GLIPR1L1: variants seen among roughly 807,000 people sequenced by gnomAD.
GLIPR1L1 encodes the protein GLIPR1-like protein 1.
Under a neutral mutation model 29.9 loss-of-function variants are expected in GLIPR1L1, and 26 were observed. That is an observed-to-expected ratio of 0.87 (90% CI 0.64 to 1.21). The LOEUF is 1.21. Among genes scored for constraint, GLIPR1L1 ranks in the 50% most tolerant of loss-of-function variants. The pLI is 0.00. For synonymous variants in GLIPR1L1, 77 were observed against 97.5 expected (o/e 0.79, Z 1.24); for missense variants, 305 against 290.3 (o/e 1.05, Z -0.37).
At chr12:75,361,690 G>A (rs2043604755) in intron 3 of GLIPR1L1, among the ~76,000 whole-genome samples, 1 of 152,206 alleles carries the variant, frequency 6.6e-6, no homozygotes, top group East Asian at 1.9e-4. Flanking sequence ...AGAGATAAGA[G>A]AGAAGGAGGA....
chr12:75,342,296 T>TAAA (rs2042173257), intron 1 of GLIPR1L1, among the ~76,000 whole-genome samples: 1 of 152,348 alleles, frequency 6.6e-6, no homozygotes, highest in South Asian at 2.1e-4. Context: ...TTGAAATCTT[T>TAAA]AAAAGGTCTG....
chr12:75,347,494 T>C, intron 2 of GLIPR1L1, 128 bp from the exon 3 acceptor site: 2 of 431,618 alleles, frequency 4.6e-6, no homozygotes. Context: ...TTAGAAAAAA[T>C]ATGTAACTAA....
At chr12:75,369,789 C>T in intron 4 of GLIPR1L1, 171 bp from the exon 5 acceptor site, 1 of 982,570 alleles carries the variant, frequency 1.0e-6, no homozygotes. Flanking sequence ...TAGGAAGCAT[C>T]GTAAAGAGTT....
intron 1 of GLIPR1L1, among the ~76,000 whole-genome samples, chr12:75,342,615 G>A (rs1376493204): frequency 6.6e-6 from 1 of 151,964 alleles, no homozygotes; most frequent in Non-Finnish European, 1.5e-5. Context: ...ATTGATATCT[G>A]GTAGAGAAAG....
chr12:75,347,028 A>C (rs1018154529), intron 2 of GLIPR1L1, among the ~76,000 whole-genome samples: 1 of 151,668 alleles, frequency 6.6e-6, no homozygotes, highest in African/African-American at 2.4e-5. Flanking sequence ...CTAGTTTTCC[A>C]TAGAAGTCTT....
At chr12:75,348,302 T>C (rs2042585173) in intron 3 of GLIPR1L1, among the ~76,000 whole-genome samples, 1 of 151,972 alleles carries the variant, frequency 6.6e-6, no homozygotes, top group Non-Finnish European at 1.5e-5. Flanking sequence ...AAATAAGCAG[T>C]AGAAAAGATA....
intron 4 of GLIPR1L1, among the ~76,000 whole-genome samples, chr12:75,367,618 A>G (rs1307911547): frequency 6.6e-6 from 1 of 152,030 alleles, no homozygotes; most frequent in African/African-American, 2.4e-5. Context: ...AATTGATTTT[A>G]TTGCCTTAAA....
chr12:75,369,965 C>G lies in GLIPR1L1; in HGVS notation c.616C>G (p.Pro206Ala). 1.8e-6 allele frequency: 2 copies of G among 1,095,022 alleles called. No individual in the cohort carries two copies. The highest frequency in any genetic ancestry group is 2.6e-6 in the Non-Finnish European group (2 of 770,110). The allele number at this position is 1,095,022 out of a possible 1,614,324, so 67.8% of individuals were successfully genotyped here. The change falls in exon 5 of 6, where the codon CCA becomes GCA. Residue 206 changes from proline (P) to alanine (A), a missense_variant. Physicochemically the swap from Pro to Ala is conservative, Grantham distance 27. Transcript: ENST00000378695. ...EKCVKNLCRTPQLIIPNQNPF... is the reference protein window; with the variant it reads ...EKCVKNLCRTAQLIIPNQNPF... The stretch of plus-strand genomic sequence containing the variant: ...AACTTTAATTTTTACTTTAGGGACT[C>G]CACAACTTATTATACCTAACCGTAT...
intron 3 of GLIPR1L1, among the ~76,000 whole-genome samples, chr12:75,358,465 T>C (rs1284533733): frequency 6.6e-6 from 1 of 151,420 alleles, no homozygotes; most frequent in East Asian, 1.9e-4. Flanking sequence ...AAGAATTATA[T>C]GATTATCTCA....
rs376888166 is a variant in GLIPR1L1 at position 75,338,192 on chromosome 12, C to A, written c.174+3290C>A. Among the ~76,000 whole-genome samples the A allele has an allele frequency of 2.6e-5, 4 of 152,040 alleles. No homozygotes were observed. The South Asian group carries it at 8.3e-4, about 31-fold the overall frequency. On this transcript the variant is annotated intron_variant, in intron 1 of 5. Transcript: ENST00000378695. Reference sequence around the variant, plus strand: ...ATAGCTCAATATAGATGCAAAAAATCTTCAACAAAATTATAATCAATTGAA... The same window carrying A: ...ATAGCTCAATATAGATGCAAAAAATATTCAACAAAATTATAATCAATTGAA...
In GLIPR1L1 at chr12:75,343,862, C is replaced by T. The variant is rs180934864; in HGVS notation, c.344C>T (p.Thr115Met). 8.2e-5 allele frequency: 132 copies of T among 1,611,536 alleles called. No individual in the cohort carries two copies. Among genetic ancestry groups the T allele is most frequent in the Non-Finnish European group, 9.9e-5 (117 of 1,177,896 alleles). ...IKSFTPRHAI[T>M]AWYNETQFYD... Reference sequence around the variant, plus strand: ...TCATTCACACCAAGACATGCCATTACGGCTTGGTATAATGAAACCCAATTT... The same window carrying T: ...TCATTCACACCAAGACATGCCATTATGGCTTGGTATAATGAAACCCAATTT... The change falls in exon 2 of 6, where the codon ACG (threonine) becomes ATG (methionine). Residue 115 changes from threonine to methionine, a missense_variant. By Grantham distance (81) the Thr-to-Met change is moderately conservative. Transcript: ENST00000378695.
rs186880042 is a variant in GLIPR1L1 at position 75,337,401 on chromosome 12, A to G, written c.174+2499A>G. Among the ~76,000 whole-genome samples the G allele has an allele frequency of 3.8e-3, 575 of 152,038 alleles. 3 individuals carry two copies. Among genetic ancestry groups the G allele is most frequent in the Non-Finnish European group, 4.2e-3 (287 of 67,772 alleles). On this transcript the variant is annotated intron_variant, in intron 1 of 5. Coordinates refer to ENST00000378695, the MANE Select transcript of GLIPR1L1 (RefSeq NM_001304964.2). ...CACAACTCAAAAATCAATTTTAGGA[A>G]TGGAAAATCACTTTTAAAAAACTCC...
intron 3 of GLIPR1L1, among the ~76,000 whole-genome samples, chr12:75,355,135 CAATT>C (rs1442463066): frequency 3.3e-5 from 5 of 151,998 alleles, no homozygotes; most frequent in African/African-American, 1.2e-4. Context: ...TAAATGGGAT[CAATT>C]AAACTAAAGA....
At chr12:75,365,286 C>A (rs1432418027) in intron 4 of GLIPR1L1, 4 of 151,882 alleles carry the variant, frequency 2.6e-5, no homozygotes, top group Non-Finnish European at 5.9e-5. Flanking sequence ...AAACCATGAG[C>A]AATAAATCAC....
chr12:75,346,392 ACT>A (rs1215880383), intron 2 of GLIPR1L1, among the ~76,000 whole-genome samples: 1 of 151,438 alleles, frequency 6.6e-6, no homozygotes, highest in Non-Finnish European at 1.5e-5. Context: ...TGAAAGCAAA[ACT>A]CTTTTTTTTT....
At chr12:75,368,749 T>G (rs2044161837) in intron 4 of GLIPR1L1, among the ~76,000 whole-genome samples, 1 of 152,022 alleles carries the variant, frequency 6.6e-6, no homozygotes, top group Admixed American at 6.6e-5. Flanking sequence ...AGTATTTTGG[T>G]TACAGTGTGT....
At chr12:75,338,528 C>T (rs1459575817) in intron 1 of GLIPR1L1, among the ~76,000 whole-genome samples, 1 of 151,490 alleles carries the variant, frequency 6.6e-6, no homozygotes, top group Non-Finnish European at 1.5e-5. Flanking sequence ...CCATTTTTTC[C>T]TGTAGGTTTT....
chr12:75,352,009 C>T (rs2042848265), intron 3 of GLIPR1L1, among the ~76,000 whole-genome samples: 1 of 152,006 alleles, frequency 6.6e-6, no homozygotes, highest in African/African-American at 2.4e-5. Context: ...GAAGGAAGCA[C>T]TAAATATGGA....
chr12:75,365,215 G>GT (rs2043885369), intron 4 of GLIPR1L1: 1 of 152,164 alleles, frequency 6.6e-6, no homozygotes, highest in Non-Finnish European at 1.5e-5. Context: ...ACATCTGTAG[G>GT]TTTTGTCAAA....
Sources: gnomAD v4.1 joint callset for allele counts (sites outside exome capture counted in the v4.1 genomes callset) on GRCh38, gnomAD v4.1.1 for gene constraint, MANE v1.5 for transcripts, NCBI Gene and HGNC (gene_info 2026-07-23, HGNC 2026-07-21) for gene names.